The following SYCP2L variants were observed in gnomAD, a reference collection of about 807,000 sequenced individuals.
SYCP2L encodes the protein synaptonemal complex protein 2 like.
Under a neutral mutation model 125.8 loss-of-function variants are expected in SYCP2L, and 98 were observed. The observed-to-expected ratio is 0.78, with a 90% CI of 0.66 to 0.92. The LOEUF (loss-of-function observed/expected upper bound fraction) is 0.92. Ranked by LOEUF, SYCP2L falls within the 40% of genes least tolerant of loss-of-function variation. The pLI, the probability that SYCP2L is intolerant of heterozygous loss-of-function variation, is 0.00. For missense variants in SYCP2L, 842 were observed against 936.4 expected (o/e 0.90, Z 1.32); for synonymous variants, 317 against 325.4 (o/e 0.97, Z 0.28).
At chr6:10,965,765 A>T (rs993457040) in intron 29 of SYCP2L, among the ~76,000 whole-genome samples, 2 of 152,226 alleles carry the variant, frequency 1.3e-5, no homozygotes, top group African/African-American at 4.8e-5. Context: ...TTGCATTACC[A>T]TGTCAAAATG....
At chr6:10,971,817 G>A (rs2113438226) in intron 29 of SYCP2L, among the ~76,000 whole-genome samples, 1 of 152,220 alleles carries the variant, frequency 6.6e-6, no homozygotes, top group Admixed American at 6.5e-5. Flanking sequence ...TGGGATTACA[G>A]GTGCCTCCCA....
chr6:10,906,102 C>G (rs750299163), intron 9 of SYCP2L, 48 bp downstream of exon 9: 7 of 1,170,884 alleles, frequency 6.0e-6, no homozygotes, highest in Non-Finnish European at 8.9e-6. Flanking sequence ...ATATTGGACA[C>G]TGGGGGTTTT....
intron 14 of SYCP2L, among the ~76,000 whole-genome samples, chr6:10,916,002 G>A: frequency 6.6e-6 from 1 of 152,206 alleles, no homozygotes; most frequent in East Asian, 1.9e-4. Context: ...CTCACTGCTT[G>A]TTATTGGTCT....
At chr6:10,962,479 G>T (rs898517849) in intron 28 of SYCP2L, among the ~76,000 whole-genome samples, 3 of 152,022 alleles carry the variant, frequency 2.0e-5, no homozygotes, top group African/African-American at 7.3e-5. Flanking sequence ...TAATACCCAT[G>T]GTTGGTAGTT....
At chr6:10,971,968 G>T (rs527323839) in intron 29 of SYCP2L, among the ~76,000 whole-genome samples, 8 of 152,046 alleles carry the variant, frequency 5.3e-5, no homozygotes, top group Non-Finnish European at 2.9e-5. Context: ...AAGCCACTGC[G>T]CCCAGCCTAT....
At chr6:10,923,963 C>T (rs1380714098) in intron 14 of SYCP2L, among the ~76,000 whole-genome samples, 1 of 152,168 alleles carries the variant, frequency 6.6e-6, no homozygotes, top group Non-Finnish European at 1.5e-5. Context: ...GGATTACAGG[C>T]GTGAGCCACC....
Position 10,894,094 on chromosome 6 carries a change from A to C in SYCP2L, c.226A>C (p.Lys76Gln), listed in dbSNP as rs748146475. ...TGTGGTTTATACCTAGGAACTAGAT[A>C]AAAATGAATTTCAGTCTGTGTCACT... is the stretch of plus-strand genomic sequence containing the variant. ...LDRSINKELD[K>Q]NEFQSVSLLL... is the part of the protein sequence containing the mutation. The change falls in exon 4 of 30, where the codon AAA (lysine) becomes CAA (glutamine). Residue 76 changes from lysine (K) to glutamine (Q), a missense_variant. Lys to Gln is a moderately conservative substitution (Grantham distance 53). Coordinates refer to ENST00000283141, the MANE Select transcript of SYCP2L (RefSeq NM_001040274.3). The C allele has an allele frequency of 3.7e-6, 6 of 1,611,452 alleles. No individual in the cohort carries two copies. In the African/African-American group the frequency reaches 8.0e-5, roughly 22 times the overall value.
At chr6:10,932,847 A>G (rs899725709) in intron 20 of SYCP2L, among the ~76,000 whole-genome samples, 3 of 152,182 alleles carry the variant, frequency 2.0e-5, no homozygotes, top group African/African-American at 4.8e-5. Context: ...ACCACCTCTC[A>G]GGTTCAAGTG....
chr6:10,908,619 T>G (rs922352727), intron 10 of SYCP2L, among the ~76,000 whole-genome samples: 14 of 152,220 alleles, frequency 9.2e-5, no homozygotes, highest in Non-Finnish European at 1.9e-4. Context: ...GGTAGAATTC[T>G]TAATAACAGT....
intron 16 of SYCP2L, among the ~76,000 whole-genome samples, chr6:10,926,786 T>C (rs548645762): frequency 4.6e-5 from 7 of 150,740 alleles, no homozygotes; most frequent in South Asian, 2.1e-4. Flanking sequence ...CTTTTCTTTT[T>C]TTTTTTTTTT....
chr6:10,898,976 C>A, intron 6 of SYCP2L, 128 bp downstream of exon 6: 1 of 650,508 alleles, frequency 1.5e-6, no homozygotes. Flanking sequence ...TTATTGACCA[C>A]CTTATGGTCA....
chr6:10,887,220 C>T (rs1024304864), intron 1 of SYCP2L, 85 bp downstream of exon 1: 4 of 1,580,744 alleles, frequency 2.5e-6, no homozygotes, highest in Admixed American at 1.7e-5. Context: ...TCAGGTTCTG[C>T]CGCCTTGAGG....
At chr6:10,931,662 G>A (rs1221082319) in intron 20 of SYCP2L, among the ~76,000 whole-genome samples, 173 bp downstream of exon 20, 1 of 152,168 alleles carries the variant, frequency 6.6e-6, no homozygotes, top group African/African-American at 2.4e-5. Context: ...TCTTGGGTAA[G>A]TAAGTGTTTA....
intron 29 of SYCP2L, among the ~76,000 whole-genome samples, chr6:10,970,994 T>TG (rs1466895776): frequency 2.0e-5 from 3 of 152,100 alleles, no homozygotes; most frequent in African/African-American, 7.2e-5. Context: ...ATAACTGGGC[T>TG]GGGGGAAGGC....
intron 29 of SYCP2L, among the ~76,000 whole-genome samples, chr6:10,965,498 C>G (rs991409482): frequency 6.6e-6 from 1 of 152,088 alleles, no homozygotes; most frequent in Non-Finnish European, 1.5e-5. Flanking sequence ...TTGACAGGAA[C>G]CTGGAGTAAC....
intron 26 of SYCP2L, among the ~76,000 whole-genome samples, chr6:10,959,313 T>TA: frequency 6.6e-6 from 1 of 152,232 alleles, no homozygotes; most frequent in Non-Finnish European, 1.5e-5. Context: ...GGACAAATGT[T>TA]ATATGACTCC....
At chr6:10,924,393 A>G in intron 14 of SYCP2L, 103 bp from the exon 15 acceptor site, 1 of 970,566 alleles carries the variant, frequency 1.0e-6, no homozygotes, top group Non-Finnish European at 1.4e-6. Flanking sequence ...TAACACAGAA[A>G]AATCTGGACA....
intron 8 of SYCP2L, among the ~76,000 whole-genome samples, chr6:10,903,237 A>G (rs140973843): frequency 2.3e-4 from 35 of 152,266 alleles, no homozygotes; most frequent in African/African-American, 7.7e-4. Flanking sequence ...GATCGAGACC[A>G]TCCTGGCTAA....
intron 24 of SYCP2L, among the ~76,000 whole-genome samples, chr6:10,955,715 T>C (rs962892805): frequency 6.6e-6 from 1 of 152,210 alleles, no homozygotes; most frequent in Non-Finnish European, 1.5e-5. Flanking sequence ...GCAAGACTTA[T>C]GCAAGCTCTG....
Sources: gnomAD v4.1 joint callset for allele counts (sites outside exome capture counted in the v4.1 genomes callset) on GRCh38, gnomAD v4.1.1 for gene constraint, MANE v1.5 for transcripts, NCBI Gene and HGNC (gene_info 2026-07-23, HGNC 2026-07-21) for gene names.